SYNE2: variants seen among roughly 807,000 people sequenced by gnomAD.
The protein encoded by SYNE2 is spectrin repeat containing nuclear envelope protein 2.
Under a neutral mutation model 856.3 loss-of-function variants are expected in SYNE2, and 431 were observed. The ratio of observed to expected loss-of-function variants is 0.50; its 90% CI spans 0.47 to 0.55. The LOEUF (loss-of-function observed/expected upper bound fraction) is 0.55. Among genes scored for constraint, SYNE2 ranks in the 20% least tolerant of loss-of-function variants. SYNE2 has a pLI of 0.00. For synonymous variants in SYNE2, 2,923 were observed against 2,872.3 expected (o/e 1.02, Z -0.56); for missense variants, 8,129 against 8,023.2 (o/e 1.01, Z -0.50).
intron 50 of SYNE2, among the ~76,000 whole-genome samples, chr14:64,065,029 T>C (rs997392612): frequency 2.6e-5 from 4 of 151,992 alleles, no homozygotes; most frequent in Non-Finnish European, 5.9e-5. Context: ...CACGCCCAGC[T>C]AAATTTTGTG....
rs866359194 is a variant in SYNE2, at chr14:64,161,495, G to T, written c.16095-577G>T. ...TGATATAAATACAAAGTTAAAACCT[G>T]TTTAAAGATAGCATATCTCTATAAA... On this transcript the variant is annotated intron_variant, in intron 87 of 115. Coordinates refer to ENST00000555002, the MANE Select transcript of SYNE2 (RefSeq NM_182914.3). 3.9e-5 allele frequency among the ~76,000 whole-genome samples: 6 copies of T among 152,150 alleles called. No individual in the cohort carries two copies. In the South Asian group the frequency reaches 1.2e-3, roughly 32 times the overall value.
At chr14:64,048,226 G>T in intron 46 of SYNE2, 71 bp downstream of exon 46, 1 of 1,512,446 alleles carries the variant, frequency 6.6e-7, no homozygotes, top group Non-Finnish European at 9.0e-7. Context: ...TATTTTAATT[G>T]CCAAAAACTT....
intron 43 of SYNE2, 81 bp downstream of exon 43, chr14:64,027,874 T>C: frequency 9.1e-7 from 1 of 1,102,486 alleles, no homozygotes; most frequent in Middle Eastern, 2.0e-4. Flanking sequence ...CTATCTGTTG[T>C]TGTTGTTCAT....
chr14:63,860,388 G>A (rs550566247), intron 1 of SYNE2, among the ~76,000 whole-genome samples: 1 of 152,304 alleles, frequency 6.6e-6, no homozygotes, highest in African/African-American at 2.4e-5. Context: ...TTCCTGTGTT[G>A]ACATTTTCCA....
At chr14:64,055,852 A>G in intron 48 of SYNE2, 92 bp from the exon 49 acceptor site, 3 of 776,992 alleles carry the variant, frequency 3.9e-6, no homozygotes, top group African/African-American at 1.7e-5. Flanking sequence ...AGACTCAGAG[A>G]CATATTATCT....
chr14:63,854,914 G>C (rs1244515656), intron 1 of SYNE2, among the ~76,000 whole-genome samples: 1 of 152,064 alleles, frequency 6.6e-6, no homozygotes, highest in Non-Finnish European at 1.5e-5. Context: ...ATAAGGGAAC[G>C]GGTGAAAAGC....
intron 1 of SYNE2, chr14:63,808,674 C>G (rs1458181459): frequency 6.6e-6 from 1 of 152,304 alleles, no homozygotes; most frequent in Non-Finnish European, 1.5e-5. Flanking sequence ...ACTCCATTAT[C>G]CACAATGTCA....
intron 107 of SYNE2, 148 bp downstream of exon 107, chr14:64,215,502 T>C: frequency 1.2e-6 from 1 of 825,490 alleles, no homozygotes; most frequent in South Asian, 1.4e-5. Flanking sequence ...TACACTGCCG[T>C]ACTCACCCAT....
chr14:63,977,832 G>C lies in SYNE2; in HGVS notation c.1294-73G>C, dbSNP rs996661323. On this transcript the variant is annotated intron_variant, in intron 12 of 115. Coordinates refer to ENST00000555002, the MANE Select transcript of SYNE2 (RefSeq NM_182914.3). ...TTTTTTGAAAAAAGATGTAATGCAA[G>C]TGAGATTGACAAACCCTTAATTACA... The C allele has an allele frequency of 3.8e-6, 4 of 1,043,244 alleles. No homozygotes were observed. In the African/African-American group the frequency reaches 4.7e-5, roughly 12 times the overall value. 64.6% of individuals were successfully genotyped at this position (1,043,244 alleles called of 1,614,324 possible).
At chr14:63,984,493 C>T (rs961425509) in intron 18 of SYNE2, among the ~76,000 whole-genome samples, 1 of 152,126 alleles carries the variant, frequency 6.6e-6, no homozygotes, top group African/African-American at 2.4e-5. Flanking sequence ...AAATTGGCTA[C>T]CTTTAGGCTA....
chr14:63,957,264 A>AT (rs4027476), intron 8 of SYNE2, among the ~76,000 whole-genome samples: 2,411 of 110,742 alleles, frequency 0.022, 122 homozygotes, highest in African/African-American at 0.066. Context: ...TGCCCAGCTA[A>AT]TTTTTTTTTT....
At chr14:64,202,079 T>C in intron 99 of SYNE2, 1 of 659,804 alleles carries the variant, frequency 1.5e-6, no homozygotes. Flanking sequence ...TGCTTTCAAA[T>C]CTGCTCCACG....
chr14:64,076,239 A>G (rs952612733), intron 54 of SYNE2, 139 bp downstream of exon 54: 5 of 854,754 alleles, frequency 5.8e-6, no homozygotes, highest in African/African-American at 3.4e-5. Context: ...CATCGTGTCT[A>G]TTGAATGCTA....
intron 97 of SYNE2, among the ~76,000 whole-genome samples, chr14:64,187,811 A>G (rs1397303110): frequency 6.6e-6 from 1 of 152,220 alleles, no homozygotes; most frequent in Non-Finnish European, 1.5e-5. Context: ...ACTTTTGTAC[A>G]TCTAGTTAGG....
intron 95 of SYNE2, among the ~76,000 whole-genome samples, chr14:64,175,753 A>G (rs1260057911): frequency 6.6e-6 from 1 of 152,188 alleles, no homozygotes; most frequent in Non-Finnish European, 1.5e-5. Flanking sequence ...TACTTCTTAT[A>G]GCCCACTCTC....
At chr14:63,973,370 GC>G (rs370855568) in intron 11 of SYNE2, among the ~76,000 whole-genome samples, 33 of 152,070 alleles carry the variant, frequency 2.2e-4, no homozygotes, top group African/African-American at 8.0e-4. Context: ...AGTGGCTCAC[GC>G]CTGTAATCCC....
chr14:64,047,866 G>A (rs1358630670), intron 45 of SYNE2, 134 bp from the exon 46 acceptor site: 23 of 935,234 alleles, frequency 2.5e-5, no homozygotes, highest in East Asian at 5.3e-5. Flanking sequence ...ATCATCTTTC[G>A]TAGTGCCCAA....
intron 56 of SYNE2, 144 bp downstream of exon 56, chr14:64,080,782 G>A: frequency 1.0e-6 from 1 of 987,038 alleles, no homozygotes; most frequent in Non-Finnish European, 1.6e-6. Context: ...GCTTGTGTGG[G>A]TGCTGAGGAG....
Position 63,877,729 on chromosome 14 carries a change from T to C in SYNE2, c.-52+24586T>C, listed in dbSNP as rs890115694. 2.0e-5 allele frequency among the ~76,000 whole-genome samples: 3 copies of C among 152,298 alleles called. No homozygotes were observed. In the East Asian group the frequency reaches 5.8e-4, roughly 29 times the overall value. ...AGCGGCGTTATCTTTCATGAGTAGA[T>C]GTGTTCCCTATGTGTGTGTTCTTTG... On this transcript the variant is annotated intron_variant, in intron 1 of 115. Coordinates refer to ENST00000555002, the MANE Select transcript of SYNE2 (RefSeq NM_182914.3).
Sources: allele counts gnomAD v4.1 joint callset (sites outside exome capture counted in the v4.1 genomes callset), GRCh38; gene constraint gnomAD v4.1.1; transcripts MANE v1.5; gene names NCBI Gene and HGNC (gene_info 2026-07-23, HGNC 2026-07-21).